The following SAMD12 variants were observed in gnomAD, a reference collection of about 807,000 sequenced individuals.
SAMD12 encodes the protein sterile alpha motif domain containing 12.
SAMD12 carries 9 observed loss-of-function variants against 15.0 expected under a neutral mutation model. That is an observed-to-expected ratio of 0.60 (90% CI 0.36 to 1.05). SAMD12 has a LOEUF of 1.05. Among genes scored for constraint, SAMD12 ranks in the 50% least tolerant of loss-of-function variants. The probability of loss-of-function intolerance (pLI) is 0.01; values close to 1 mark genes in which losing one functional copy is unlikely to be tolerated. For missense variants in SAMD12, 230 were observed against 234.2 expected (o/e 0.98, Z 0.12); for synonymous variants, 86 against 90.1 (o/e 0.96, Z 0.25).
chr8:118,298,109 A>G (rs921095497), intron 4 of SAMD12, among the ~76,000 whole-genome samples: 1 of 152,206 alleles, frequency 6.6e-6, no homozygotes, highest in Non-Finnish European at 1.5e-5. Context: ...AAACATACAT[A>G]TGTAGTTCCT....
At chr8:118,558,510 C>T (rs1401506159) in intron 2 of SAMD12, among the ~76,000 whole-genome samples, 4 of 152,074 alleles carry the variant, frequency 2.6e-5, no homozygotes, top group Non-Finnish European at 5.9e-5. Flanking sequence ...ACATACAATC[C>T]ATGGGGTCTG....
At chr8:118,438,965 G>A (rs4128894) in intron 3 of SAMD12, among the ~76,000 whole-genome samples, 72,509 of 151,918 alleles carry the variant, frequency 0.48, 18,561 homozygotes, top group Admixed American at 0.59. Context: ...CAGGGAAAAG[G>A]GAAGTGTTGC....
At chr8:118,507,341 T>C (rs1371309489) in intron 2 of SAMD12, among the ~76,000 whole-genome samples, 1 of 152,164 alleles carries the variant, frequency 6.6e-6, no homozygotes, top group Non-Finnish European at 1.5e-5. Flanking sequence ...TATAATCACC[T>C]GTATATATGT....
chr8:118,159,677 G>A, the SAMD12 span, among the ~76,000 whole-genome samples: 1 of 151,732 alleles, frequency 6.6e-6, no homozygotes, highest in Non-Finnish European at 1.5e-5. Context: ...CCTAGATAAA[G>A]TGCTTCTCTG....
intron 4 of SAMD12, among the ~76,000 whole-genome samples, chr8:118,297,451 G>A (rs1401858868): frequency 2.6e-5 from 4 of 152,174 alleles, no homozygotes; most frequent in Admixed American, 6.5e-5. Flanking sequence ...ACCACCTTCC[G>A]AAGGGACTAA....
intron 4 of SAMD12, among the ~76,000 whole-genome samples, chr8:118,296,500 C>CT (rs1302817742): frequency 6.6e-6 from 1 of 152,134 alleles, no homozygotes; most frequent in Non-Finnish European, 1.5e-5. Flanking sequence ...TGATTAATAT[C>CT]TTTTTCTCCC....
chr8:118,584,928 C>T (rs955307391), intron 1 of SAMD12, among the ~76,000 whole-genome samples: 234 of 143,774 alleles, frequency 1.6e-3, no homozygotes, highest in African/African-American at 5.7e-3. Context: ...GGTATACACA[C>T]ACACACACAC....
chr8:118,256,543 A>T (rs574691156), intron 4 of SAMD12, among the ~76,000 whole-genome samples: 1 of 152,214 alleles, frequency 6.6e-6, no homozygotes, highest in East Asian at 1.9e-4. Flanking sequence ...TAGCTCTGCC[A>T]TTCCCAAATA....
intron 3 of SAMD12, 135 bp downstream of exon 3, chr8:118,439,697 A>G (rs1822675273): frequency 3.9e-6 from 3 of 768,234 alleles, no homozygotes; most frequent in South Asian, 1.7e-5. Flanking sequence ...TCTGGAATTT[A>G]TCACCCCTTT....
chr8:118,322,629 TA>T (rs1268128742), intron 4 of SAMD12, among the ~76,000 whole-genome samples: 2 of 152,210 alleles, frequency 1.3e-5, no homozygotes, highest in African/African-American at 4.8e-5. Context: ...TAGACCTGAA[TA>T]TAAAATCCTG....
chr8:118,444,849 T>G (rs1464395655), intron 2 of SAMD12, among the ~76,000 whole-genome samples: 4 of 152,248 alleles, frequency 2.6e-5, no homozygotes, highest in Non-Finnish European at 4.4e-5. Flanking sequence ...CTTTGATTTA[T>G]AAGAGAACAC....
At chr8:118,574,404 C>T (rs564094354) in intron 2 of SAMD12, among the ~76,000 whole-genome samples, 1 of 152,276 alleles carries the variant, frequency 6.6e-6, no homozygotes, top group Non-Finnish European at 1.5e-5. Context: ...AAGCACTGTT[C>T]ATGTGTTAGA....
intron 3 of SAMD12, among the ~76,000 whole-genome samples, chr8:118,392,599 G>C (rs1214616286): frequency 2.0e-5 from 3 of 152,192 alleles, no homozygotes; most frequent in Non-Finnish European, 2.9e-5. Context: ...TGGTGACCCT[G>C]GGAAATCTTT....
chr8:118,531,348 G>A (rs1439795917), intron 2 of SAMD12, among the ~76,000 whole-genome samples: 1 of 152,224 alleles, frequency 6.6e-6, no homozygotes, highest in Non-Finnish European at 1.5e-5. Flanking sequence ...AGTATAGTTT[G>A]AAGTCAGGTA....
intron 2 of SAMD12, among the ~76,000 whole-genome samples, chr8:118,469,939 G>A (rs1823743691): frequency 6.6e-6 from 1 of 152,074 alleles, no homozygotes; most frequent in Non-Finnish European, 1.5e-5. Flanking sequence ...CATGTCCAGT[G>A]ACAGAGAAGT....
intron 2 of SAMD12, among the ~76,000 whole-genome samples, chr8:118,577,473 C>T (rs1827182089): frequency 6.6e-6 from 1 of 152,106 alleles, no homozygotes; most frequent in Non-Finnish European, 1.5e-5. Context: ...TAAAGATAAG[C>T]TCATTAAGCT....
In SAMD12 at chr8:118,466,802, GAA is replaced by G. The variant is rs11293592; in HGVS notation, c.193-26843_193-26842del. On this transcript the variant is annotated intron_variant, in intron 2 of 3. Transcript: ENST00000314727. ...TGGCTAGCAGTAATAGGGAGAGAGA[GAA>G]AAAAAAATACGTTGTGTGTTAAGAA... Among the ~76,000 whole-genome samples the G allele has an allele frequency of 8.6e-5, 13 of 151,680 alleles. No individual in the cohort carries two copies. In the South Asian group the frequency reaches 1.7e-3, roughly 19 times the overall value.
intron 4 of SAMD12, among the ~76,000 whole-genome samples, chr8:118,320,881 T>C (rs1330682735): frequency 6.7e-6 from 1 of 149,054 alleles, no homozygotes; most frequent in Non-Finnish European, 1.5e-5. Flanking sequence ...TGTCAATGCA[T>C]TAATTATTGG....
At chr8:118,593,589 C>A (rs1202142810) in intron 1 of SAMD12, among the ~76,000 whole-genome samples, 1 of 152,106 alleles carries the variant, frequency 6.6e-6, no homozygotes, top group African/African-American at 2.4e-5. Flanking sequence ...GCATAACGGA[C>A]AGTGCAGATT....
Sources: allele counts gnomAD v4.1 joint callset (sites outside exome capture counted in the v4.1 genomes callset), GRCh38; gene constraint gnomAD v4.1.1; transcripts MANE v1.5; gene names NCBI Gene and HGNC (gene_info 2026-07-23, HGNC 2026-07-21).